Variants in PIK3C2G observed in about 807,000 individuals in gnomAD.
PIK3C2G encodes the protein phosphatidylinositol-4-phosphate 3-kinase catalytic subunit type 2 gamma, also known as phosphatidylinositol 3-kinase C2 domain-containing subunit gamma.
In PIK3C2G, 168 loss-of-function variants were observed where a neutral mutation model predicts 181.1. The ratio of observed to expected loss-of-function variants is 0.93; its 90% CI spans 0.82 to 1.05. The LOEUF is 1.05. Among genes scored for constraint, PIK3C2G ranks in the 50% least tolerant of loss-of-function variants. The pLI is 0.00. For synonymous variants in PIK3C2G, 573 were observed against 592.2 expected (o/e 0.97, Z 0.47); for missense variants, 1,869 against 1,732.8 (o/e 1.08, Z -1.40).
chr12:18,674,950 T>A, the PIK3C2G span, among the ~76,000 whole-genome samples: 4 of 152,028 alleles, frequency 2.6e-5, no homozygotes, highest in Non-Finnish European at 5.9e-5. Context: ...CAACTGAGGC[T>A]CCAGTCACGT....
intron 5 of PIK3C2G, among the ~76,000 whole-genome samples, chr12:18,300,296 T>C (rs1300236983): frequency 6.6e-6 from 1 of 152,024 alleles, no homozygotes; most frequent in African/African-American, 2.4e-5. Flanking sequence ...TACATATAAA[T>C]ATGTATGTAC....
At chr12:18,488,682 TTAAG>T (rs1408524863) in intron 19 of PIK3C2G, 53 bp downstream of exon 19, 2 of 1,128,420 alleles carry the variant, frequency 1.8e-6, no homozygotes, top group African/African-American at 1.6e-5. Context: ...TTGGCTTAAA[TTAAG>T]TTTTAATTTC....
intron 31 of PIK3C2G, among the ~76,000 whole-genome samples, chr12:18,617,133 G>A (rs1432151348): frequency 6.6e-6 from 1 of 152,024 alleles, no homozygotes; most frequent in Non-Finnish European, 1.5e-5. Flanking sequence ...TCCTTCAGGG[G>A]AGATTTTTGC....
At chr12:18,482,340 T>G (rs777615279) in intron 18 of PIK3C2G, among the ~76,000 whole-genome samples, 12 of 152,090 alleles carry the variant, frequency 7.9e-5, no homozygotes, top group African/African-American at 1.7e-4. Context: ...GGGCAGGAAT[T>G]GCAATCCCCT....
chr12:18,317,247 G>T (rs113059392), intron 6 of PIK3C2G, among the ~76,000 whole-genome samples: 1 of 151,734 alleles, frequency 6.6e-6, no homozygotes, highest in East Asian at 1.9e-4. Flanking sequence ...TCCTGACCTC[G>T]TGATCCACCT....
chr12:18,506,964 C>T (rs1274437708), intron 24 of PIK3C2G, among the ~76,000 whole-genome samples: 2 of 152,014 alleles, frequency 1.3e-5, no homozygotes, highest in African/African-American at 2.4e-5. Context: ...CTGTTACTCT[C>T]AATACATTGC....
chr12:18,450,326 A>G (rs965253358), intron 18 of PIK3C2G, among the ~76,000 whole-genome samples: 1 of 152,064 alleles, frequency 6.6e-6, no homozygotes, highest in African/African-American at 2.4e-5. Context: ...AGGTTTCACC[A>G]TGTTGGCCAG....
chr12:18,693,568 CA>C, the PIK3C2G span: 2 of 1,600,338 alleles, frequency 1.2e-6, no homozygotes, highest in Non-Finnish European at 1.7e-6. Context: ...GTGATGGGCC[CA>C]AACTCGGACG....
At chr12:18,403,287 G>A (rs1282416511) in intron 16 of PIK3C2G, among the ~76,000 whole-genome samples, 2 of 152,092 alleles carry the variant, frequency 1.3e-5, no homozygotes, top group Non-Finnish European at 2.9e-5. Flanking sequence ...GTAGAATCCT[G>A]ATTTATTTAC....
At chr12:18,600,415 A>G (rs1228585068) in intron 30 of PIK3C2G, among the ~76,000 whole-genome samples, 1 of 152,078 alleles carries the variant, frequency 6.6e-6, no homozygotes, top group Non-Finnish European at 1.5e-5. Flanking sequence ...AACTATGCTC[A>G]GAGGAATATT....
chr12:18,685,525 A>C, the PIK3C2G span: 1 of 326,056 alleles, frequency 3.1e-6, no homozygotes, highest in Non-Finnish European at 6.5e-6. Context: ...TAATTATACT[A>C]TATCTATGTT....
chr12:18,559,973 A>G (rs922612274), intron 26 of PIK3C2G, among the ~76,000 whole-genome samples: 6 of 150,456 alleles, frequency 4.0e-5, no homozygotes, highest in Non-Finnish European at 7.4e-5. Flanking sequence ...CCTCACAAGT[A>G]ACTGGGATTA....
downstream of PIK3C2G, among the ~76,000 whole-genome samples, chr12:18,649,368 A>G (rs1434946019): frequency 1.3e-5 from 2 of 152,098 alleles, no homozygotes; most frequent in African/African-American, 4.8e-5. Context: ...CAATTTGTAC[A>G]TTTGATCCCA....
At chr12:18,367,205 T>A (rs1380015521) in intron 12 of PIK3C2G, among the ~76,000 whole-genome samples, 3 of 152,142 alleles carry the variant, frequency 2.0e-5, no homozygotes, top group Non-Finnish European at 4.4e-5. Context: ...AGAAAGAACA[T>A]TAAAGAAATT....
At chr12:18,320,124 TA>T in intron 6 of PIK3C2G, 1 of 152,300 alleles carries the variant, frequency 6.6e-6, no homozygotes, top group East Asian at 1.9e-4. Flanking sequence ...TAGTCAGTTT[TA>T]AAAATAGATT....
At chr12:18,420,227 T>C (rs763714408) in intron 16 of PIK3C2G, among the ~76,000 whole-genome samples, 13 of 152,136 alleles carry the variant, frequency 8.5e-5, no homozygotes, top group South Asian at 2.1e-4. Flanking sequence ...TTTGAGATAA[T>C]TGAATCTATT....
At chr12:18,701,821 A>C in the PIK3C2G span, 1 of 1,561,162 alleles carries the variant, frequency 6.4e-7, no homozygotes, top group African/African-American at 1.4e-5. Flanking sequence ...TTACAAGTAA[A>C]TTTGCATTGT....
intron 5 of PIK3C2G, among the ~76,000 whole-genome samples, chr12:18,305,335 A>G (rs1364004437): frequency 7.6e-6 from 1 of 131,420 alleles, no homozygotes; most frequent in Non-Finnish European, 1.8e-5. Flanking sequence ...TTTCAGCCCC[A>G]AGTTTTTTAA....
intron 1 of PIK3C2G, among the ~76,000 whole-genome samples, chr12:18,272,521 T>C (rs1948787119): frequency 6.6e-6 from 1 of 152,198 alleles, no homozygotes; most frequent in Admixed American, 6.5e-5. Flanking sequence ...CTTCATTTAT[T>C]TATTTCTCTT....
Sources: gnomAD v4.1 joint callset for allele counts (sites outside exome capture counted in the v4.1 genomes callset) on GRCh38, gnomAD v4.1.1 for gene constraint, MANE v1.5 for transcripts, NCBI Gene and HGNC (gene_info 2026-07-23, HGNC 2026-07-21) for gene names.